The following CPED1 variants were observed in gnomAD, a reference collection of about 807,000 sequenced individuals.
CPED1 encodes the protein cadherin-like and PC-esterase domain-containing protein 1.
CPED1 carries 114 observed loss-of-function variants against 128.2 expected under a neutral mutation model. The ratio of observed to expected loss-of-function variants is 0.89; its 90% confidence interval spans 0.76 to 1.04. The LOEUF is 1.04. Ranked by LOEUF, CPED1 falls within the 50% of genes least tolerant of loss-of-function variation. CPED1 has a pLI of 0.00. For synonymous variants in CPED1, 462 were observed against 426.7 expected (o/e 1.08, Z -1.02); for missense variants, 1,211 against 1,207.1 (o/e 1.00, Z -0.05).
At position 121,001,552 on chromosome 7, in the gene CPED1, G is replaced by A. The variant is rs140276991; in HGVS notation, c.249+11682G>A. Among the ~76,000 whole-genome samples, 53 of 152,232 alleles carry A rather than the reference G, an allele frequency of 3.5e-4. No individual in the cohort carries two copies. In the East Asian group the frequency reaches 0.01, roughly 29 times the overall value. ...ACTTAAAAAATAATATTGCTCCGGG[G>A]TCATAATATTTCTTATTTCTTTTGG... On this transcript the variant is annotated intron_variant, in intron 2 of 22. Transcript: ENST00000310396.
intron 16 of CPED1, among the ~76,000 whole-genome samples, chr7:121,235,249 C>T (rs1798225077): frequency 6.6e-6 from 1 of 152,076 alleles, no homozygotes; most frequent in Non-Finnish European, 1.5e-5. Context: ...GACTACATCT[C>T]CCCACATTAT....
At chr7:121,208,550 C>T (rs1797571944) in intron 16 of CPED1, among the ~76,000 whole-genome samples, 1 of 151,986 alleles carries the variant, frequency 6.6e-6, no homozygotes, top group Non-Finnish European at 1.5e-5. Context: ...ACTGAGGCAA[C>T]AATGGGTTGG....
chr7:121,295,324 A>G, intron 22 of CPED1, 116 bp from the exon 23 acceptor site: 1 of 1,250,666 alleles, frequency 8.0e-7, no homozygotes, highest in Non-Finnish European at 1.1e-6. Flanking sequence ...AGTCATAGTC[A>G]TGCCCTTTTA....
intron 5 of CPED1, among the ~76,000 whole-genome samples, chr7:121,095,065 T>C (rs1168010075): frequency 6.6e-6 from 1 of 152,210 alleles, no homozygotes; most frequent in African/African-American, 2.4e-5. Flanking sequence ...TACTTTAACA[T>C]TTTTAACAAG....
intron 5 of CPED1, among the ~76,000 whole-genome samples, chr7:121,065,345 T>G (rs1311158889): frequency 6.6e-6 from 1 of 152,202 alleles, no homozygotes; most frequent in Non-Finnish European, 1.5e-5. Flanking sequence ...AAGCTGAATT[T>G]TTTTTGTTTT....
chr7:121,162,032 A>C (rs1796423278), intron 16 of CPED1, among the ~76,000 whole-genome samples: 2 of 152,200 alleles, frequency 1.3e-5, no homozygotes, highest in South Asian at 4.1e-4. Context: ...TTACCACTTT[A>C]TAAGACAACC....
At chr7:121,276,467 G>T (rs1268333615) in intron 22 of CPED1, among the ~76,000 whole-genome samples, 1 of 152,060 alleles carries the variant, frequency 6.6e-6, no homozygotes, top group Admixed American at 6.6e-5. Context: ...GAACTAAACA[G>T]TAGTAATATA....
intron 3 of CPED1, among the ~76,000 whole-genome samples, chr7:121,038,528 T>C (rs1433603552): frequency 6.6e-6 from 1 of 152,196 alleles, no homozygotes; most frequent in Non-Finnish European, 1.5e-5. Context: ...TGTGAAAGTC[T>C]GTGTCTAGTT....
At chr7:121,027,499 G>A (rs981296219) in intron 3 of CPED1, among the ~76,000 whole-genome samples, 6 of 151,838 alleles carry the variant, frequency 4.0e-5, no homozygotes, top group African/African-American at 1.5e-4. Context: ...AGATATTCAA[G>A]TGCCATTTTC....
chr7:121,279,281 C>T (rs1792389062), intron 22 of CPED1, among the ~76,000 whole-genome samples: 1 of 151,610 alleles, frequency 6.6e-6, no homozygotes, highest in African/African-American at 2.4e-5. Flanking sequence ...CAACTATTAA[C>T]ACCCCACTAA....
intron 2 of CPED1, among the ~76,000 whole-genome samples, chr7:121,010,457 C>T (rs191482182): frequency 6.6e-6 from 1 of 152,256 alleles, no homozygotes; most frequent in East Asian, 1.9e-4. Flanking sequence ...CCACATTGGC[C>T]AGGCTGGTTT....
intron 4 of CPED1, chr7:121,062,795 C>T (rs2116045354): frequency 6.6e-6 from 1 of 152,210 alleles, no homozygotes; most frequent in South Asian, 2.1e-4. Context: ...TTCCCCCATC[C>T]TATTCTCGTG....
intron 2 of CPED1, among the ~76,000 whole-genome samples, chr7:121,004,034 C>T (rs1791939152): frequency 6.6e-6 from 1 of 152,198 alleles, no homozygotes; most frequent in African/African-American, 2.4e-5. Flanking sequence ...GGCAACGTTT[C>T]TCTGGGTTTG....
chr7:121,235,162 C>T (rs1798223404), intron 16 of CPED1, among the ~76,000 whole-genome samples: 1 of 152,006 alleles, frequency 6.6e-6, no homozygotes, highest in Non-Finnish European at 1.5e-5. Context: ...CCAGTCTCCA[C>T]TAAAAATAAA....
At chr7:121,281,654 C>T (rs984300985) in intron 22 of CPED1, among the ~76,000 whole-genome samples, 29 of 152,098 alleles carry the variant, frequency 1.9e-4, no homozygotes, top group African/African-American at 6.5e-4. Flanking sequence ...CATTTAATAG[C>T]CTATAAGATC....
At chr7:121,098,744 A>ATATATAT (rs1491378841) in intron 6 of CPED1, among the ~76,000 whole-genome samples, 44 of 34,316 alleles carry the variant, frequency 1.3e-3, no homozygotes, top group East Asian at 0.071. Context: ...ATATATATAT[A>ATATATAT]AAAATATATA....
chr7:121,129,308 TATAC>T (rs1795597040), intron 11 of CPED1, among the ~76,000 whole-genome samples: 4 of 3,812 alleles, frequency 1.0e-3, no homozygotes, highest in African/African-American at 1.5e-3. Context: ...TATATATATA[TATAC>T]GTATATATAT....
chr7:121,280,763 C>T (rs1792446812), intron 22 of CPED1, among the ~76,000 whole-genome samples: 1 of 152,178 alleles, frequency 6.6e-6, no homozygotes, highest in Non-Finnish European at 1.5e-5. Context: ...GTTATAAGGA[C>T]TAACTTCTAG....
intron 2 of CPED1, among the ~76,000 whole-genome samples, chr7:121,010,192 G>A (rs1249630856): frequency 6.6e-6 from 1 of 152,092 alleles, no homozygotes; most frequent in African/African-American, 2.4e-5. Flanking sequence ...ATGGGTTTTG[G>A]TGATGCCTGT....
Sources: gnomAD v4.1 joint callset for allele counts (sites outside exome capture counted in the v4.1 genomes callset) on GRCh38, gnomAD v4.1.1 for gene constraint, MANE v1.5 for transcripts, NCBI Gene and HGNC (gene_info 2026-07-23, HGNC 2026-07-21) for gene names.